ZNF652: variants seen among roughly 807,000 people sequenced by gnomAD.
ZNF652 encodes the protein zinc finger protein 652.
Under a neutral mutation model 45.2 loss-of-function variants are expected in ZNF652, and 16 were observed. The observed-to-expected ratio is 0.35, with a 90% CI of 0.24 to 0.54. ZNF652 has a LOEUF of 0.54. Ranked by LOEUF, ZNF652 falls within the 20% of genes least tolerant of loss-of-function variation. The probability of loss-of-function intolerance (pLI) is 0.91; values close to 1 mark genes in which losing one functional copy is unlikely to be tolerated. For missense variants in ZNF652, 614 were observed against 765.6 expected, an observed-to-expected ratio of 0.80 and a Z score of 2.34; for synonymous variants, 250 against 260.6, an observed-to-expected ratio of 0.96 and a Z score of 0.39.
At chr17:49,300,761 A>C (rs2069541874) in intron 5 of ZNF652, among the ~76,000 whole-genome samples, 1 of 151,884 alleles carries the variant, frequency 6.6e-6, no homozygotes, top group African/African-American at 2.4e-5. Flanking sequence ...TGTTTATTCT[A>C]CTCATGTGTA....
chr17:49,296,268 AT>A lies in ZNF652; in HGVS notation c.*2144del, dbSNP rs2069475955. On this transcript the variant is annotated 3_prime_UTR_variant, in exon 6 of 6. Transcript: ENST00000430262. ...ATCCAAAACCAGGAAGTATGTCTTGATATACTTTTCTGCCTCATTCCAAAAT... is the reference window on the plus strand; with the variant it reads ...ATCCAAAACCAGGAAGTATGTCTTGAATACTTTTCTGCCTCATTCCAAAAT... 6.6e-6 allele frequency: 1 copy of A among 152,634 alleles called. No individual in the cohort carries two copies. Among genetic ancestry groups the A allele is most frequent in the South Asian group, 2.1e-4 (1 of 4,828 alleles). 9.5% of individuals were successfully genotyped at this position (152,634 alleles called of 1,614,324 possible). A position where few individuals can be genotyped will look rare whatever the true frequency, so the allele number is the denominator to read the frequency against.
At chr17:49,360,566 ACT>A (rs746389796) in intron 1 of ZNF652, among the ~76,000 whole-genome samples, 1 of 152,144 alleles carries the variant, frequency 6.6e-6, no homozygotes, top group Non-Finnish European at 1.5e-5. Context: ...GCCTGCCACC[ACT>A]GACAATCACA....
chr17:49,332,989 A>G (rs990002692), intron 1 of ZNF652, among the ~76,000 whole-genome samples: 5 of 152,054 alleles, frequency 3.3e-5, no homozygotes, highest in African/African-American at 1.2e-4. Context: ...AGTGAGTTAT[A>G]ACTGCACCAC....
chr17:49,345,225 CAG>C (rs1268655704), intron 1 of ZNF652, among the ~76,000 whole-genome samples: 5 of 138,606 alleles, frequency 3.6e-5, no homozygotes, highest in African/African-American at 8.1e-5. Context: ...TTTTTTGAGA[CAG>C]AGTGTTGCTC....
At chr17:49,351,055 AT>A (rs1230907803) in intron 1 of ZNF652, among the ~76,000 whole-genome samples, 5 of 141,832 alleles carry the variant, frequency 3.5e-5, no homozygotes, top group East Asian at 4.1e-4. Flanking sequence ...ACACACACAC[AT>A]ATTTTTATAT....
intron 1 of ZNF652, among the ~76,000 whole-genome samples, chr17:49,344,335 A>G (rs2070181806): frequency 6.6e-6 from 1 of 151,980 alleles, no homozygotes; most frequent in African/African-American, 2.4e-5. Context: ...ACTGCACTCT[A>G]GCCTGGGCAA....
chr17:49,305,804 T>C (rs895584158), intron 5 of ZNF652, among the ~76,000 whole-genome samples: 1 of 152,172 alleles, frequency 6.6e-6, no homozygotes, highest in Non-Finnish European at 1.5e-5. Flanking sequence ...TATGTCCACA[T>C]CATCCTAGTA....
intron 1 of ZNF652, among the ~76,000 whole-genome samples, chr17:49,334,668 A>T (rs1261218200): frequency 6.6e-6 from 1 of 152,030 alleles, no homozygotes; most frequent in Non-Finnish European, 1.5e-5. Context: ...GGTTCCAACT[A>T]CTTGAGAGGC....
intron 1 of ZNF652, among the ~76,000 whole-genome samples, chr17:49,344,284 A>G (rs4461119): frequency 0.78 from 118,184 of 151,290 alleles, 46,372 homozygotes; most frequent in African/African-American, 0.85. Flanking sequence ...AGGATCACTG[A>G]ACCCCAGGAG....
intron 1 of ZNF652, among the ~76,000 whole-genome samples, chr17:49,341,067 T>C (rs1035934582): frequency 2.0e-5 from 3 of 151,830 alleles, no homozygotes; most frequent in Non-Finnish European, 4.4e-5. Flanking sequence ...AAAAATTAGC[T>C]GGCTATGGTG....
In ZNF652 at chr17:49,289,567, A is replaced by C. The variant is rs1001818919; in HGVS notation, c.*8846T>G. 3.9e-5 allele frequency: 6 copies of C among 152,234 alleles called. No individual in the cohort carries two copies. The highest frequency in any genetic ancestry group is 1.2e-4 in the African/African-American group (5 of 41,448). The allele number at this position is 152,234 out of a possible 1,614,324, so 9.4% of individuals were successfully genotyped here. A position where few individuals can be genotyped will look rare whatever the true frequency, so the allele number is the denominator to read the frequency against. On this transcript the variant is annotated 3_prime_UTR_variant, in exon 6 of 6. Coordinates refer to ENST00000430262, the MANE Select transcript of ZNF652 (RefSeq NM_001145365.3). ...AGCCGGGCAGCATGGGCTCCTTTGG[A>C]GATTCAGGAGCGGAGCTCAGTTCCA... is the stretch of plus-strand genomic sequence containing the variant.
At chr17:49,324,980 G>C (rs1162723185) in intron 1 of ZNF652, among the ~76,000 whole-genome samples, 2 of 150,336 alleles carry the variant, frequency 1.3e-5, no homozygotes, top group African/African-American at 2.5e-5. Flanking sequence ...ACCTCAGGTG[G>C]TCCGCCCACC....
chr17:49,341,610 G>A (rs2070147668), intron 1 of ZNF652, among the ~76,000 whole-genome samples: 1 of 151,888 alleles, frequency 6.6e-6, no homozygotes, highest in Non-Finnish European at 1.5e-5. Context: ...GCTCCAGTGA[G>A]CTGTGACCAC....
chr17:49,314,863 T>C (rs2069776509), intron 2 of ZNF652, among the ~76,000 whole-genome samples: 1 of 152,144 alleles, frequency 6.6e-6, no homozygotes, highest in Non-Finnish European at 1.5e-5. Context: ...TCAGCCATTT[T>C]GTAGGGCAGG....
rs533161181 is a variant in ZNF652, at chr17:49,299,285, C to T, written c.1310-361G>A. ...CATTAGTGATCCTCTACATCCTACACAAAGAACAGTTCAAATGGCTTTCTG... is the reference window on the plus strand; with the variant it reads ...CATTAGTGATCCTCTACATCCTACATAAAGAACAGTTCAAATGGCTTTCTG... On this transcript the variant is annotated intron_variant, in intron 5 of 5. Coordinates refer to ENST00000430262, the MANE Select transcript of ZNF652 (RefSeq NM_001145365.3). Among the ~76,000 whole-genome samples the T allele has an allele frequency of 3.3e-5, 5 of 152,306 alleles. No individual in the cohort carries two copies. In the South Asian group the frequency reaches 8.3e-4, roughly 25 times the overall value.
chr17:49,335,830 T>A (rs1417388130), intron 1 of ZNF652, among the ~76,000 whole-genome samples: 1 of 151,994 alleles, frequency 6.6e-6, no homozygotes, highest in Non-Finnish European at 1.5e-5. Context: ...AATAGGTAGG[T>A]TTTTCTAAAC....
At chr17:49,323,028 G>A (rs1002426180) in intron 1 of ZNF652, among the ~76,000 whole-genome samples, 2 of 152,216 alleles carry the variant, frequency 1.3e-5, no homozygotes, top group South Asian at 4.1e-4. Context: ...TGGGGTGGCT[G>A]TGGCAATTTC....
chr17:49,307,623 G>A (rs765897768), intron 5 of ZNF652, among the ~76,000 whole-genome samples: 2 of 149,312 alleles, frequency 1.3e-5, no homozygotes, highest in Non-Finnish European at 3.0e-5. Context: ...GTGGCAGCAT[G>A]AGCCTGTAAT....
Position 49,298,391 on chromosome 17 carries a change from G to A in ZNF652, c.*22C>T. 6.2e-7 allele frequency: 1 copy of A among 1,611,794 alleles called. No individual in the cohort carries two copies. ...CACACATGGGGACGTGTCTCCTGGA[G>A]AACACACTAAGGAGACGGATGTTAA... On this transcript the variant is annotated 3_prime_UTR_variant, in exon 6 of 6. Transcript: ENST00000430262.
Sources: gnomAD v4.1 joint callset for allele counts (sites outside exome capture counted in the v4.1 genomes callset) on GRCh38, gnomAD v4.1.1 for gene constraint, MANE v1.5 for transcripts, NCBI Gene and HGNC (gene_info 2026-07-23, HGNC 2026-07-21) for gene names.